The following ITGAE variants were observed in gnomAD, a reference collection of about 807,000 sequenced individuals.
ITGAE encodes integrin subunit alpha E, also known as integrin alpha-E.
A neutral mutation model predicts 136.5 loss-of-function variants in ITGAE; 99 were observed. That is an observed-to-expected ratio of 0.73 (90% CI 0.62 to 0.86). The LOEUF (loss-of-function observed/expected upper bound fraction) is 0.86, where lower values mean the gene tolerates loss of function less well. Among genes scored for constraint, ITGAE ranks in the 40% least tolerant of loss-of-function variants. The pLI, the probability that ITGAE is intolerant of heterozygous loss-of-function variation, is 0.00. For missense variants in ITGAE, 1,447 were observed against 1,515.3 expected (o/e 0.95, Z 0.75); for synonymous variants, 613 against 591.8 (o/e 1.04, Z -0.52).
In ITGAE at chr17:3,761,507, A is replaced by T. The variant is rs757076562; in HGVS notation, c.329T>A (p.Val110Glu). 1.2e-6 allele frequency: 2 copies of T among 1,613,428 alleles called. No individual in the cohort carries two copies. The highest frequency in any genetic ancestry group is 1.1e-5 in the South Asian group (1 of 91,010). Residue 110 changes from valine (V) to glutamate (E), a missense_variant, in exon 5 of 31, where the codon GTG (valine) becomes GAG (glutamate). Val to Glu is a moderately radical substitution (Grantham distance 121). Coordinates refer to ENST00000263087, the MANE Select transcript of ITGAE (RefSeq NM_002208.5). Reference sequence around the variant, plus strand: ...GAGGCTGTGAGGCCGCCGGACCAGCACTTGAATGCATATCTGTGGGAGGGA... The same window carrying T: ...GAGGCTGTGAGGCCGCCGGACCAGCTCTTGAATGCATATCTGTGGGAGGGA... ...SHHGVLICIQ[V>E]LVRRPHSLSS...
chr17:3,733,546 G>A (rs146505657), intron 21 of ITGAE, among the ~76,000 whole-genome samples: 259 of 152,094 alleles, frequency 1.7e-3, no homozygotes, highest in Non-Finnish European at 2.8e-3. Flanking sequence ...TCAGCCTCCC[G>A]AGTAGCTGGG....
intron 16 of ITGAE, among the ~76,000 whole-genome samples, 160 bp from the exon 17 acceptor site, chr17:3,748,212 C>T (rs907052608): frequency 2.0e-5 from 3 of 152,180 alleles, no homozygotes; most frequent in African/African-American, 7.2e-5. Flanking sequence ...CAAGTTTCTG[C>T]TTTGGTGGGA....
chr17:3,755,960 G>T, intron 10 of ITGAE, 63 bp from the exon 11 acceptor site: 1 of 1,496,594 alleles, frequency 6.7e-7, no homozygotes, highest in South Asian at 1.2e-5. Context: ...ACTGAGTCAG[G>T]GGACAGTCCA....
At chr17:3,744,319 CCTT>C (rs2051660488) in intron 18 of ITGAE, among the ~76,000 whole-genome samples, 1 of 152,170 alleles carries the variant, frequency 6.6e-6, no homozygotes, top group African/African-American at 2.4e-5. Flanking sequence ...GGAAAAATCT[CCTT>C]CATTCTACTA....
At chr17:3,724,112 G>GTCCGACGATCCTGACGAT (rs2051141938) in intron 26 of ITGAE, 2 of 1,594,658 alleles carry the variant, frequency 1.3e-6, no homozygotes, top group African/African-American at 1.4e-5. Flanking sequence ...ACCCCTCGCA[G>GTCCGACGATCCTGACGAT]TCCGACGATC....
At chr17:3,755,335 G>C (rs1425371432) in intron 11 of ITGAE, 74 bp from the exon 12 acceptor site, 5 of 1,436,264 alleles carry the variant, frequency 3.5e-6, no homozygotes, top group Non-Finnish European at 3.7e-6. Context: ...GCGGGTCTCC[G>C]GGCCAGCGCG....
At chr17:3,737,508 A>G (rs917646631) in intron 20 of ITGAE, among the ~76,000 whole-genome samples, 3 of 151,852 alleles carry the variant, frequency 2.0e-5, no homozygotes, top group African/African-American at 2.4e-5. Flanking sequence ...CATGGGAGGA[A>G]GACCCAAGGG....
chr17:3,715,191 T>A (rs1367949), intron 30 of ITGAE, among the ~76,000 whole-genome samples: 22,681 of 152,154 alleles, frequency 0.15, 5,273 homozygotes, highest in African/African-American at 0.5. Context: ...GCTGAACCTT[T>A]TTAACTTATT....
At chr17:3,776,476 C>T (rs1044304342) in intron 2 of ITGAE, among the ~76,000 whole-genome samples, 19 of 152,372 alleles carry the variant, frequency 1.2e-4, no homozygotes, top group East Asian at 1.9e-4. Context: ...GGCCCGAGCA[C>T]CTTGCTCAGG....
In ITGAE at chr17:3,788,198, CTTTT is replaced by C. The variant is rs200999689; in HGVS notation, c.35-10542_35-10539del. Among the ~76,000 whole-genome samples the C allele has an allele frequency of 1.2e-3, 171 of 141,116 alleles. 2 individuals carry two copies. In the East Asian group the frequency reaches 0.025, roughly 20 times the overall value. 92.6% of individuals were successfully genotyped at this position (141,116 alleles called of 152,430 possible). A position where few individuals can be genotyped will look rare whatever the true frequency, so the allele number is the denominator to read the frequency against. On this transcript the variant is annotated intron_variant, in intron 1 of 30. Coordinates refer to ENST00000263087, the MANE Select transcript of ITGAE (RefSeq NM_002208.5). ...TGTGGTTTGCCTTTTCACTCACTTA[CTTTT>C]TTTTTTTTTTGATAAACAGATGTTC...
intron 1 of ITGAE, among the ~76,000 whole-genome samples, chr17:3,797,479 G>A (rs1485890092): frequency 2.3e-4 from 18 of 79,682 alleles, no homozygotes; most frequent in Non-Finnish European, 3.4e-4. Flanking sequence ...TTTTTTTTTT[G>A]AGACGGTGTC....
intron 2 of ITGAE, among the ~76,000 whole-genome samples, chr17:3,775,490 C>T (rs868369426): frequency 1.3e-5 from 2 of 152,086 alleles, no homozygotes; most frequent in African/African-American, 2.4e-5. Context: ...GACAGAGTCT[C>T]GCTCCGTCAC....
Position 3,755,221 on chromosome 17 carries a change from G to C in ITGAE, c.1280C>G (p.Ser427Cys). ...TGTGTCGTAGAGCAACGCCCCTCCG[G>C]ACCAGTCAAAGGCCCCGACGGCGCC... ...LLGAVGAFDW[S>C]GGALLYDTRS... is the part of the protein sequence containing the mutation. Residue 427 changes from serine to cysteine, a missense_variant, in exon 12 of 31, where the codon TCC (serine) becomes TGC (cysteine). This residue lies in a region of ITGAE where 1,031 missense variants were observed against 1,011.4 expected (regional missense o/e 1.02). Coordinates refer to ENST00000263087, the MANE Select transcript of ITGAE (RefSeq NM_002208.5). The C allele has an allele frequency of 6.3e-7, 1 of 1,577,480 alleles. No individual in the cohort carries two copies. The highest frequency in any genetic ancestry group is 8.6e-7 in the Non-Finnish European group (1 of 1,167,886).
At chr17:3,795,078 G>C (rs934576216) in intron 1 of ITGAE, among the ~76,000 whole-genome samples, 2 of 152,124 alleles carry the variant, frequency 1.3e-5, no homozygotes, top group African/African-American at 2.4e-5. Flanking sequence ...CAGGAGCCAG[G>C]AGCCAATCCA....
intron 20 of ITGAE, 105 bp downstream of exon 20, chr17:3,739,700 G>T: frequency 1.1e-6 from 1 of 942,642 alleles, no homozygotes; most frequent in Non-Finnish European, 1.7e-6. Flanking sequence ...TGTGGGCCAC[G>T]GGGAGAGGGG....
chr17:3,795,149 C>T (rs1204435456), intron 1 of ITGAE, among the ~76,000 whole-genome samples: 1 of 152,122 alleles, frequency 6.6e-6, no homozygotes, highest in Non-Finnish European at 1.5e-5. Flanking sequence ...GTCTGTCTGG[C>T]TCTGACCAAA....
intron 1 of ITGAE, among the ~76,000 whole-genome samples, chr17:3,790,531 C>CAAAA (rs376300497): frequency 3.3e-5 from 5 of 150,404 alleles, no homozygotes; most frequent in Admixed American, 1.3e-4. Context: ...CACACACACA[C>CAAAA]AAAAGAAAAA....
intron 19 of ITGAE, among the ~76,000 whole-genome samples, chr17:3,740,632 T>C (rs1166296236): frequency 1.3e-5 from 2 of 152,240 alleles, no homozygotes; most frequent in African/African-American, 4.8e-5. Context: ...CACCTTGGCC[T>C]TCCAAAGTGT....
At chr17:3,763,831 G>T (rs745914946) in intron 3 of ITGAE, 38 bp downstream of exon 3, 90 of 1,509,890 alleles carry the variant, frequency 6.0e-5, no homozygotes, top group Non-Finnish European at 8.2e-5. Flanking sequence ...TAGAAAGGGG[G>T]TCCTGGGGAG....
Sources: allele counts gnomAD v4.1 joint callset (sites outside exome capture counted in the v4.1 genomes callset), GRCh38; gene constraint gnomAD v4.1.1; regional missense constraint gnomAD v4.1.1; transcripts MANE v1.5; gene names NCBI Gene and HGNC (gene_info 2026-07-23, HGNC 2026-07-21).